Variants in ZBTB8A observed in about 807,000 individuals in gnomAD.
The protein encoded by ZBTB8A is zinc finger and BTB domain containing 8A, also known as zinc finger and BTB domain-containing protein 8A.
Under a neutral mutation model 37.8 loss-of-function variants are expected in ZBTB8A, and 19 were observed. The ratio of observed to expected loss-of-function variants is 0.50; its 90% CI spans 0.35 to 0.74. ZBTB8A has a LOEUF of 0.74. ZBTB8A is among the 30% of genes least tolerant of loss of function. The pLI, the probability that ZBTB8A is intolerant of heterozygous loss-of-function variation, is 0.01. For missense variants in ZBTB8A, 394 were observed against 537.8 expected (o/e 0.73, Z 2.65); for synonymous variants, 181 against 185.2 (o/e 0.98, Z 0.19).
At chr1:32,569,279 G>T (rs533131041) in intron 2 of ZBTB8A, among the ~76,000 whole-genome samples, 1 of 150,930 alleles carries the variant, frequency 6.6e-6, no homozygotes, top group South Asian at 2.1e-4. Context: ...TTGCCCGTGG[G>T]TTTTTTGTCC....
At chr1:32,584,492 TTTTCTTTC>T (rs1263744932) in intron 2 of ZBTB8A, among the ~76,000 whole-genome samples, 2 of 149,510 alleles carry the variant, frequency 1.3e-5, no homozygotes, top group East Asian at 1.9e-4. Context: ...ATCATTCTTT[TTTTCTTTC>T]TTTCTTTCTT....
At chr1:32,598,803 A>G (rs1644552332) in intron 4 of ZBTB8A, among the ~76,000 whole-genome samples, 1 of 152,106 alleles carries the variant, frequency 6.6e-6, no homozygotes, top group Admixed American at 6.6e-5. Flanking sequence ...TGTGAGTGAT[A>G]TTTCCATTAG....
chr1:32,594,850 G>T (rs1175441439), intron 3 of ZBTB8A, among the ~76,000 whole-genome samples: 1 of 151,652 alleles, frequency 6.6e-6, no homozygotes, highest in African/African-American at 2.4e-5. Context: ...CCATACTTAG[G>T]ATTACATTGA....
intron 2 of ZBTB8A, among the ~76,000 whole-genome samples, chr1:32,592,481 A>C (rs1644497235): frequency 6.6e-6 from 1 of 151,752 alleles, no homozygotes; most frequent in Admixed American, 6.6e-5. Context: ...TCAAGGTTGC[A>C]GTGAGCTTTT....
Position 32,602,346 on chromosome 1 carries a change from A to C in ZBTB8A, c.*1927A>C, listed in dbSNP as rs1184746675. On this transcript the variant is annotated 3_prime_UTR_variant, in exon 5 of 5. Coordinates refer to ENST00000373510, the MANE Select transcript of ZBTB8A (RefSeq NM_001040441.3). Reference sequence around the variant, plus strand: ...TCCGTCTCAAAAAAAAAAAAAAAAAAAACTTCTCCCCTGCATAAATTATGA... The same window carrying C: ...TCCGTCTCAAAAAAAAAAAAAAAAACAACTTCTCCCCTGCATAAATTATGA... The C allele has an allele frequency of 3.9e-5, 6 of 152,222 alleles. No homozygotes were observed. The highest frequency in any genetic ancestry group is 5.9e-5 in the Non-Finnish European group (4 of 68,350). The allele number at this position is 152,222 out of a possible 1,614,324, so 9.4% of individuals were successfully genotyped here.
At chr1:32,584,197 AAAG>A (rs1644428599) in intron 2 of ZBTB8A, among the ~76,000 whole-genome samples, 1 of 152,132 alleles carries the variant, frequency 6.6e-6, no homozygotes, top group East Asian at 1.9e-4. Flanking sequence ...AGAATGAAAT[AAAG>A]AAGGATTCCT....
At chr1:32,572,128 A>G (rs750479207) in intron 2 of ZBTB8A, among the ~76,000 whole-genome samples, 47 of 152,172 alleles carry the variant, frequency 3.1e-4, no homozygotes, top group Non-Finnish European at 5.0e-4. Flanking sequence ...TTATTTTCTT[A>G]TAATGTCTTT....
intron 2 of ZBTB8A, among the ~76,000 whole-genome samples, chr1:32,578,368 C>T (rs1456469382): frequency 6.6e-6 from 1 of 151,724 alleles, no homozygotes; most frequent in African/African-American, 2.4e-5. Context: ...TGAGCCACCA[C>T]ATCCAGCCTA....
At chr1:32,549,758 C>T (rs1330826225) in intron 1 of ZBTB8A, among the ~76,000 whole-genome samples, 1 of 152,092 alleles carries the variant, frequency 6.6e-6, no homozygotes, top group Non-Finnish European at 1.5e-5. Context: ...TAAAAGGAAA[C>T]AACCCTGCTA....
At chr1:32,567,218 G>C (rs1201294752) in intron 2 of ZBTB8A, among the ~76,000 whole-genome samples, 1 of 152,108 alleles carries the variant, frequency 6.6e-6, no homozygotes, top group African/African-American at 2.4e-5. Context: ...GAGTGAAGGA[G>C]GAGGTGCTAC....
chr1:32,578,539 AT>A (rs1644380347), intron 2 of ZBTB8A, among the ~76,000 whole-genome samples: 1 of 151,972 alleles, frequency 6.6e-6, no homozygotes, highest in South Asian at 2.1e-4. Flanking sequence ...TTATTTGACT[AT>A]TTTTATATCT....
chr1:32,581,768 TG>T (rs1413190136), intron 2 of ZBTB8A, among the ~76,000 whole-genome samples: 1 of 152,166 alleles, frequency 6.6e-6, no homozygotes, highest in Non-Finnish European at 1.5e-5. Context: ...TCTGCATTGC[TG>T]GGGAGACCTC....
chr1:32,570,120 A>G (rs956159282), intron 2 of ZBTB8A, among the ~76,000 whole-genome samples: 2 of 152,210 alleles, frequency 1.3e-5, no homozygotes, highest in African/African-American at 4.8e-5. Flanking sequence ...ATGGATATCC[A>G]GTTGTTCTGG....
intron 4 of ZBTB8A, among the ~76,000 whole-genome samples, chr1:32,598,255 T>G (rs1476414958): frequency 7.6e-6 from 1 of 130,892 alleles, no homozygotes; most frequent in African/African-American, 3.0e-5. Context: ...TTTTTTGAGA[T>G]GAAGTCTCAC....
chr1:32,598,151 GATA>G (rs1439875085), intron 4 of ZBTB8A, among the ~76,000 whole-genome samples: 1 of 150,952 alleles, frequency 6.6e-6, no homozygotes, highest in East Asian at 1.9e-4. Context: ...TTACACACAG[GATA>G]ATAACTGTAC....
chr1:32,577,628 G>A (rs1570350043), intron 2 of ZBTB8A, among the ~76,000 whole-genome samples: 1 of 92,560 alleles, frequency 1.1e-5, no homozygotes, highest in South Asian at 3.5e-4. Context: ...GTCTTTCTCT[G>A]TCACCCAGGC....
At chr1:32,600,063 A>G in intron 4 of ZBTB8A, 24 bp from the exon 5 acceptor site, 1 of 1,577,226 alleles carries the variant, frequency 6.3e-7, no homozygotes, top group Non-Finnish European at 8.6e-7. Context: ...AATCACTTTT[A>G]TCACTATTTA....
Position 32,600,426 on chromosome 1 carries a change from T to C in ZBTB8A, c.*7T>C. The C allele has an allele frequency of 1.3e-6, 2 of 1,598,644 alleles. No homozygotes were observed. The highest frequency in any genetic ancestry group is 1.7e-6 in the Non-Finnish European group (2 of 1,172,430). ...TAAGCCCAACATTAGGTAGCTGTAA[T>C]GTGAACCAACAGAGCTGGCATGTCT... On this transcript the variant is annotated 3_prime_UTR_variant, in exon 5 of 5. Transcript: ENST00000373510.
At chr1:32,541,727 A>G (rs1359961820) in intron 1 of ZBTB8A, among the ~76,000 whole-genome samples, 1 of 152,126 alleles carries the variant, frequency 6.6e-6, no homozygotes, top group Non-Finnish European at 1.5e-5. Flanking sequence ...CACGTGGCAG[A>G]AGGAATGGAA....
Sources: gnomAD v4.1 joint callset for allele counts (sites outside exome capture counted in the v4.1 genomes callset) on GRCh38, gnomAD v4.1.1 for gene constraint, MANE v1.5 for transcripts, NCBI Gene and HGNC (gene_info 2026-07-23, HGNC 2026-07-21) for gene names.